The following PLA2G5 variants were observed in gnomAD, a reference collection of about 807,000 sequenced individuals.
The protein encoded by PLA2G5 is phospholipase A2 group V.
In PLA2G5, 12 loss-of-function variants were observed where a neutral mutation model predicts 15.9. The ratio of observed to expected loss-of-function variants is 0.76; its 90% CI spans 0.48 to 1.23. The LOEUF (loss-of-function observed/expected upper bound fraction) is 1.23, where lower values mean the gene tolerates loss of function less well. Among genes scored for constraint, PLA2G5 ranks in the 50% most tolerant of loss-of-function variants. The probability of loss-of-function intolerance (pLI) is 0.00; values close to 1 mark genes in which losing one functional copy is unlikely to be tolerated. For missense variants in PLA2G5, 169 were observed against 177.1 expected, an observed-to-expected ratio of 0.95 and a Z score of 0.26; for synonymous variants, 71 against 71.4, an observed-to-expected ratio of 0.99 and a Z score of 0.03.
intron 1 of PLA2G5, chr1:20,054,963 T>A (rs902048768): frequency 6.6e-6 from 1 of 152,182 alleles, no homozygotes; most frequent in African/African-American, 2.4e-5. Flanking sequence ...CAACAGAATG[T>A]TTTATTAGAC....
intron 1 of PLA2G5, among the ~76,000 whole-genome samples, chr1:20,081,115 G>A (rs1038098092): frequency 4.6e-5 from 7 of 151,748 alleles, no homozygotes; most frequent in Non-Finnish European, 1.0e-4. Flanking sequence ...TCTTCCTATG[G>A]GCTGTCCGTC....
At chr1:20,038,728 A>G (rs2013417972) in intron 1 of PLA2G5, among the ~76,000 whole-genome samples, 1 of 152,160 alleles carries the variant, frequency 6.6e-6, no homozygotes, top group Admixed American at 6.5e-5. Flanking sequence ...GCAGTAGACT[A>G]TGATTGGACA....
intron 1 of PLA2G5, among the ~76,000 whole-genome samples, chr1:20,032,136 C>T (rs148550693): frequency 1.1e-4 from 17 of 152,170 alleles, no homozygotes; most frequent in Admixed American, 3.3e-4. Flanking sequence ...TGTTTGGTTA[C>T]TTGTTGTTTT....
At chr1:20,062,257 T>C (rs2014771176) in intron 2 of PLA2G5, among the ~76,000 whole-genome samples, 2 of 152,204 alleles carry the variant, frequency 1.3e-5, no homozygotes, top group Non-Finnish European at 2.9e-5. Flanking sequence ...AGGCTGTCTC[T>C]TCCTTCAGAC....
intron 1 of PLA2G5, among the ~76,000 whole-genome samples, chr1:20,057,758 C>G (rs979680922): frequency 3.3e-5 from 5 of 152,196 alleles, no homozygotes; most frequent in South Asian, 2.1e-4. Flanking sequence ...CTTGACCTCT[C>G]AAAGTGCTGG....
At chr1:20,044,496 C>T (rs747331835) in intron 1 of PLA2G5, among the ~76,000 whole-genome samples, 2 of 152,072 alleles carry the variant, frequency 1.3e-5, no homozygotes, top group Non-Finnish European at 2.9e-5. Flanking sequence ...GGCTGTAAAG[C>T]GTCTAAGGGT....
intron 1 of PLA2G5, among the ~76,000 whole-genome samples, chr1:20,034,229 G>A (rs1425859618): frequency 6.6e-6 from 1 of 152,162 alleles, no homozygotes; most frequent in African/African-American, 2.4e-5. Flanking sequence ...TAGGTCCTTG[G>A]TGAAGGCCTG....
At chr1:20,050,879 TC>T (rs1467055246) in intron 1 of PLA2G5, among the ~76,000 whole-genome samples, 1 of 152,104 alleles carries the variant, frequency 6.6e-6, no homozygotes, top group Non-Finnish European at 1.5e-5. Context: ...GATATTAGAT[TC>T]CCTGAAGTCC....
intron 1 of PLA2G5, among the ~76,000 whole-genome samples, chr1:20,077,747 G>T (rs532763235): frequency 6.6e-6 from 1 of 152,262 alleles, no homozygotes; most frequent in South Asian, 2.1e-4. Flanking sequence ...AGAAAAAGCT[G>T]GTTCAGGTGA....
At chr1:20,035,829 G>T (rs555988538) in intron 1 of PLA2G5, among the ~76,000 whole-genome samples, 1 of 152,212 alleles carries the variant, frequency 6.6e-6, no homozygotes, top group East Asian at 1.9e-4. Flanking sequence ...TGTTTTATAG[G>T]TCCTGTGGGA....
chr1:20,058,695 G>A (rs1430143656), intron 1 of PLA2G5, among the ~76,000 whole-genome samples: 1 of 152,150 alleles, frequency 6.6e-6, no homozygotes, highest in Non-Finnish European at 1.5e-5. Flanking sequence ...TGTGTAGGAG[G>A]GGTGTTAAAT....
intron 2 of PLA2G5, among the ~76,000 whole-genome samples, chr1:20,064,479 G>A (rs2014911847): frequency 6.6e-6 from 1 of 152,034 alleles, no homozygotes. Context: ...GGAGGCTGAG[G>A]TGGCAGGATC....
chr1:20,029,810 G>A (rs1325763630), intron 1 of PLA2G5, among the ~76,000 whole-genome samples: 1 of 152,174 alleles, frequency 6.6e-6, no homozygotes, highest in Non-Finnish European at 1.5e-5. Flanking sequence ...TTGGTTGTTA[G>A]GCAAAATGTT....
intron 1 of PLA2G5, among the ~76,000 whole-genome samples, chr1:20,031,065 T>G (rs1182819553): frequency 6.6e-6 from 1 of 152,118 alleles, no homozygotes; most frequent in Non-Finnish European, 1.5e-5. Context: ...AGGGAGGAGA[T>G]GAAGGCTGTT....
chr1:20,049,668 C>T (rs2014086993), intron 1 of PLA2G5, among the ~76,000 whole-genome samples: 1 of 152,152 alleles, frequency 6.6e-6, no homozygotes, highest in African/African-American at 2.4e-5. Context: ...TGCCATGTCC[C>T]TTTGCTCTTC....
chr1:20,044,372 G>GT (rs1259569142), intron 1 of PLA2G5, among the ~76,000 whole-genome samples: 2 of 151,848 alleles, frequency 1.3e-5, no homozygotes. Context: ...CCTGTTGTGG[G>GT]GGGGGTTTGA....
chr1:20,049,716 A>G (rs1372294639), intron 1 of PLA2G5, among the ~76,000 whole-genome samples: 1 of 152,210 alleles, frequency 6.6e-6, no homozygotes, highest in African/African-American at 2.4e-5. Context: ...CTCCCCAGCC[A>G]TATGGAACTG....
intron 1 of PLA2G5, among the ~76,000 whole-genome samples, chr1:20,041,700 G>A (rs1266194170): frequency 2.0e-5 from 3 of 152,208 alleles, no homozygotes; most frequent in Non-Finnish European, 4.4e-5. Flanking sequence ...AATGATGACA[G>A]AATAGAATGA....
rs1175401651 is a variant in PLA2G5, at chr1:20,089,861, C to T, written c.258C>T (p.Tyr86=). The T allele has an allele frequency of 3.7e-6, 6 of 1,613,944 alleles. No homozygotes were observed. The highest frequency in any genetic ancestry group is 1.3e-5 in the African/African-American group (1 of 74,930). ...EKGCNIRTQS[Y]KYRFAWGVVT... is the part of the protein sequence containing the mutation. ...GCTGCAACATTCGCACACAGTCCTACAAATACAGATTCGCGTGGGGCGTGG... is the reference window on the plus strand; with the variant it reads ...GCTGCAACATTCGCACACAGTCCTATAAATACAGATTCGCGTGGGGCGTGG... Residue 86 remains tyrosine, a synonymous_variant, in exon 4 of 5, where the codon TAC becomes TAT. Coordinates refer to ENST00000375108, the MANE Select transcript of PLA2G5 (RefSeq NM_000929.3).
Sources: allele counts gnomAD v4.1 joint callset (sites outside exome capture counted in the v4.1 genomes callset), GRCh38; gene constraint gnomAD v4.1.1; transcripts MANE v1.5; gene names NCBI Gene and HGNC (gene_info 2026-07-23, HGNC 2026-07-21).